The following AP2B1 variants were observed in gnomAD, a reference collection of about 807,000 sequenced individuals.
The protein encoded by AP2B1 is AP-2 complex subunit beta.
In AP2B1, 23 loss-of-function variants were observed where a neutral mutation model predicts 102.0. The ratio of observed to expected loss-of-function variants is 0.23; its 90% confidence interval spans 0.16 to 0.32. The LOEUF (loss-of-function observed/expected upper bound fraction) is 0.32, where lower values mean the gene tolerates loss of function less well. Among genes scored for constraint, AP2B1 ranks in the 10% least tolerant of loss-of-function variants. The pLI is 1.00. For missense variants in AP2B1, 541 were observed against 1,157.4 expected (o/e 0.47, Z 7.73); for synonymous variants, 381 against 421.2 (o/e 0.90, Z 1.17).
chr17:35,650,874 A>G, intron 13 of AP2B1, 85 bp downstream of exon 13: 4 of 1,469,058 alleles, frequency 2.7e-6, no homozygotes, highest in African/African-American at 1.4e-5. Flanking sequence ...TAGTCTGGAA[A>G]AGAACTGCTG....
At chr17:35,590,351 A>G (rs2142272831) in intron 1 of AP2B1, among the ~76,000 whole-genome samples, 1 of 152,306 alleles carries the variant, frequency 6.6e-6, no homozygotes, top group African/African-American at 2.4e-5. Context: ...GATACACTGA[A>G]TCATATATAT....
chr17:35,662,475 G>T (rs1316687210), intron 14 of AP2B1, among the ~76,000 whole-genome samples: 1 of 150,262 alleles, frequency 6.7e-6, no homozygotes, highest in Non-Finnish European at 1.5e-5. Flanking sequence ...GTAGTTATTT[G>T]GGCTTTTTTT....
intron 18 of AP2B1, 119 bp from the exon 19 acceptor site, chr17:35,709,105 C>A (rs2076398795): frequency 3.7e-6 from 3 of 811,548 alleles, no homozygotes; most frequent in Non-Finnish European, 6.2e-6. Flanking sequence ...TTTGGGGAGA[C>A]CTGCACTGAG....
At chr17:35,669,730 A>G (rs937661697) in intron 14 of AP2B1, among the ~76,000 whole-genome samples, 2 of 152,222 alleles carry the variant, frequency 1.3e-5, no homozygotes, top group African/African-American at 4.8e-5. Context: ...TTGAGAAGAT[A>G]AATCCTCTTT....
intron 14 of AP2B1, among the ~76,000 whole-genome samples, chr17:35,660,607 C>T (rs982054822): frequency 2.0e-5 from 3 of 151,596 alleles, no homozygotes; most frequent in Non-Finnish European, 2.9e-5. Flanking sequence ...CTCAGTCTTC[C>T]GAGTAGCTGG....
At chr17:35,685,442 G>T (rs946575621) in intron 18 of AP2B1, among the ~76,000 whole-genome samples, 2 of 152,102 alleles carry the variant, frequency 1.3e-5, no homozygotes, top group Non-Finnish European at 2.9e-5. Context: ...GGTAAAGATT[G>T]ATCTAGCTTT....
Position 35,624,574 on chromosome 17 carries a change from C to T in AP2B1, c.703C>T (p.Arg235Trp), listed in dbSNP as rs749754793. The T allele has an allele frequency of 1.9e-6, 3 of 1,612,488 alleles. No individual in the cohort carries two copies. The highest frequency in any genetic ancestry group is 2.5e-6 in the Non-Finnish European group (3 of 1,179,006). The change falls in exon 6 of 22, where the codon CGG (arginine) becomes TGG (tryptophan). Residue 235 changes from arginine (R) to tryptophan (W), a missense_variant. By Grantham distance (101) the Arg-to-Trp change is moderately radical. This residue lies in a region of AP2B1 where 134 missense variants were observed against 250.2 expected (regional missense o/e 0.54). Coordinates refer to ENST00000610402, the MANE Select transcript of AP2B1 (RefSeq NM_001030006.2). ...CLSNYNPKDDREAQSICERVT... is the reference protein window; with the variant it reads ...CLSNYNPKDDWEAQSICERVT... Reference sequence around the variant, plus strand: ...GTCTAATTACAACCCTAAAGATGATCGGGAGGCTCAGAGGTCAGTCTGTTT... The same window carrying T: ...GTCTAATTACAACCCTAAAGATGATTGGGAGGCTCAGAGGTCAGTCTGTTT...
chr17:35,712,624 G>A (rs368606619), intron 20 of AP2B1, among the ~76,000 whole-genome samples: 23 of 151,362 alleles, frequency 1.5e-4, no homozygotes, highest in African/African-American at 4.1e-4. Context: ...GCGAGACTCC[G>A]TCTCAAAAAA....
At chr17:35,671,706 A>C in intron 15 of AP2B1, 48 bp from the exon 16 acceptor site, 1 of 1,584,858 alleles carries the variant, frequency 6.3e-7, no homozygotes, top group Non-Finnish European at 8.6e-7. Flanking sequence ...AAGGACTGTT[A>C]ATCTGTTCTT....
intron 14 of AP2B1, among the ~76,000 whole-genome samples, chr17:35,666,217 A>G (rs1428501101): frequency 1.3e-5 from 2 of 152,154 alleles, no homozygotes; most frequent in Non-Finnish European, 2.9e-5. Context: ...CATAAGTTAC[A>G]ATAAGTCACC....
At chr17:35,649,600 C>T (rs9915021) in intron 12 of AP2B1, among the ~76,000 whole-genome samples, 13,674 of 152,114 alleles carry the variant, frequency 0.09, 781 homozygotes, top group East Asian at 0.2. Context: ...GTCCTAAGGC[C>T]GTCTCAACCA....
chr17:35,622,686 A>T (rs2074213258), intron 5 of AP2B1, among the ~76,000 whole-genome samples: 1 of 152,132 alleles, frequency 6.6e-6, no homozygotes. Flanking sequence ...TATTTTTGAG[A>T]CGGAGTCTCA....
chr17:35,706,806 A>AAT (rs1555585094), intron 18 of AP2B1, among the ~76,000 whole-genome samples: 14 of 149,788 alleles, frequency 9.3e-5, no homozygotes, highest in Non-Finnish European at 1.8e-4. Flanking sequence ...ACACCCAACT[A>AAT]ATATATATAT....
chr17:35,680,567 C>G (rs2075795712), intron 17 of AP2B1, among the ~76,000 whole-genome samples: 1 of 151,856 alleles, frequency 6.6e-6, no homozygotes, highest in South Asian at 2.1e-4. Context: ...GACAGGGTTT[C>G]TCTATGTTGC....
intron 14 of AP2B1, among the ~76,000 whole-genome samples, chr17:35,661,427 G>T (rs1339392757): frequency 6.6e-6 from 1 of 152,172 alleles, no homozygotes; most frequent in Non-Finnish European, 1.5e-5. Context: ...TGATCTCTAA[G>T]CCAAGACAGT....
intron 13 of AP2B1, among the ~76,000 whole-genome samples, chr17:35,652,049 A>C (rs879360210): frequency 2.6e-5 from 4 of 152,208 alleles, no homozygotes; most frequent in Admixed American, 2.6e-4. Context: ...ATGAATCAAC[A>C]AACAAAAACA....
chr17:35,598,531 G>A (rs1023420739), intron 3 of AP2B1, among the ~76,000 whole-genome samples, 196 bp downstream of exon 3: 1 of 152,180 alleles, frequency 6.6e-6, no homozygotes, highest in African/African-American at 2.4e-5. Flanking sequence ...GTTATGGGGT[G>A]TGTGTGTGTT....
intron 20 of AP2B1, among the ~76,000 whole-genome samples, chr17:35,711,087 C>G (rs2076437771): frequency 6.6e-6 from 1 of 152,004 alleles, no homozygotes; most frequent in South Asian, 2.1e-4. Flanking sequence ...GCTATTAGTC[C>G]CTTGGGCTGT....
chr17:35,703,609 T>C (rs1296464909), intron 18 of AP2B1, among the ~76,000 whole-genome samples: 1 of 152,122 alleles, frequency 6.6e-6, no homozygotes, highest in African/African-American at 2.4e-5. Context: ...TGTTCTGACT[T>C]GTAAGTGGGA....
Sources: allele counts gnomAD v4.1 joint callset (sites outside exome capture counted in the v4.1 genomes callset), GRCh38; gene constraint gnomAD v4.1.1; regional missense constraint gnomAD v4.1.1; transcripts MANE v1.5; gene names NCBI Gene and HGNC (gene_info 2026-07-23, HGNC 2026-07-21).